CSGALNACT1: variants seen among roughly 807,000 people sequenced by gnomAD.
CSGALNACT1 encodes beta4GalNAcT-1.
In CSGALNACT1, 52 loss-of-function variants were observed where a neutral mutation model predicts 51.0. The observed-to-expected ratio is 1.02, with a 90% CI of 0.82 to 1.29. The LOEUF (loss-of-function observed/expected upper bound fraction) is 1.29. Among genes scored for constraint, CSGALNACT1 ranks in the 50% most tolerant of loss-of-function variants. CSGALNACT1 has a pLI of 0.00. For synonymous variants in CSGALNACT1, 341 were observed against 254.4 expected (o/e 1.34, Z -3.24); for missense variants, 935 against 679.2 (o/e 1.38, Z -4.19).
At chr8:19,721,838 T>C (rs1443838820) in intron 1 of CSGALNACT1, among the ~76,000 whole-genome samples, 1 of 152,188 alleles carries the variant, frequency 6.6e-6, no homozygotes, top group African/African-American at 2.4e-5. Context: ...AGTCAATACT[T>C]CTATGGATCA....
At chr8:19,497,934 C>T (rs1451688011) in intron 4 of CSGALNACT1, among the ~76,000 whole-genome samples, 1 of 152,090 alleles carries the variant, frequency 6.6e-6, no homozygotes, top group East Asian at 1.9e-4. Context: ...TGAGTCTTAC[C>T]ACCTTTGCTT....
intron 1 of CSGALNACT1, among the ~76,000 whole-genome samples, chr8:19,650,222 A>G (rs1419854042): frequency 1.3e-5 from 2 of 152,216 alleles, no homozygotes; most frequent in Non-Finnish European, 2.9e-5. Context: ...GTATAATCTG[A>G]TCAATGAGGT....
intron 3 of CSGALNACT1, among the ~76,000 whole-genome samples, chr8:19,547,931 T>C (rs1358952134): frequency 2.6e-5 from 4 of 152,194 alleles, no homozygotes; most frequent in Non-Finnish European, 5.9e-5. Flanking sequence ...TAGTTATTGA[T>C]GGGAAAGAGG....
upstream of CSGALNACT1, among the ~76,000 whole-genome samples, chr8:19,603,663 T>G (rs1348687851): frequency 6.6e-6 from 1 of 152,240 alleles, no homozygotes; most frequent in African/African-American, 2.4e-5. Context: ...CATCTCACAT[T>G]CTGATTCCCA....
intron 8 of CSGALNACT1, among the ~76,000 whole-genome samples, chr8:19,412,790 C>T (rs2056109309): frequency 6.6e-6 from 1 of 152,108 alleles, no homozygotes; most frequent in Non-Finnish European, 1.5e-5. Flanking sequence ...GGAGAAGACT[C>T]CCTGAGCTAT....
At chr8:19,443,779 TG>T (rs2061692227) in intron 5 of CSGALNACT1, among the ~76,000 whole-genome samples, 2 of 152,226 alleles carry the variant, frequency 1.3e-5, no homozygotes, top group South Asian at 4.1e-4. Context: ...AGAAACCCCC[TG>T]GGGATACCAA....
At chr8:19,588,141 G>A (rs2047043131) in intron 3 of CSGALNACT1, 1 of 151,932 alleles carries the variant, frequency 6.6e-6, no homozygotes, top group South Asian at 2.1e-4. Flanking sequence ...GTTTCAGTAA[G>A]CAGAAATCAC....
chr8:19,657,243 A>C (rs576052007), intron 1 of CSGALNACT1, among the ~76,000 whole-genome samples: 1 of 128,898 alleles, frequency 7.8e-6, no homozygotes, highest in African/African-American at 3.0e-5. Flanking sequence ...GAAAGATGAT[A>C]AACTGAAAGA....
At chr8:19,506,945 G>T (rs952353888) in intron 3 of CSGALNACT1, among the ~76,000 whole-genome samples, 3 of 152,198 alleles carry the variant, frequency 2.0e-5, no homozygotes, top group African/African-American at 7.2e-5. Flanking sequence ...AACTAAGCCT[G>T]CCAGCAGGCG....
Position 19,673,259 on chromosome 8 carries a change from T to C in CSGALNACT1, c.-544+9214A>G, listed in dbSNP as rs575111923. Among the ~76,000 whole-genome samples the C allele has an allele frequency of 1.4e-4, 21 of 152,328 alleles. No individual in the cohort carries two copies. In the South Asian group the frequency reaches 4.1e-3, roughly 30 times the overall value. ...TTCACTGGGATTCCAGGTTTGAGTA[T>C]TGGTGCTACGTAACTACTGCAGCTT... On this transcript the variant is annotated intron_variant, in intron 1 of 9. Coordinates refer to the CSGALNACT1 transcript ENST00000332246.
chr8:19,619,798 G>A (rs1371644757), intron 1 of CSGALNACT1, among the ~76,000 whole-genome samples: 1 of 152,212 alleles, frequency 6.6e-6, no homozygotes, highest in African/African-American at 2.4e-5. Flanking sequence ...AAGGGAGGCA[G>A]AGGCCAGGGA....
intron 1 of CSGALNACT1, among the ~76,000 whole-genome samples, chr8:19,692,685 G>C (rs768217903): frequency 2.6e-5 from 4 of 152,120 alleles, no homozygotes; most frequent in Non-Finnish European, 5.9e-5. Flanking sequence ...TATAATCATG[G>C]TAATGGAAAT....
intron 1 of CSGALNACT1, among the ~76,000 whole-genome samples, chr8:19,679,744 G>T (rs1371676157): frequency 6.6e-6 from 1 of 152,106 alleles, no homozygotes; most frequent in Non-Finnish European, 1.5e-5. Context: ...CAAATTCCTT[G>T]GGTTATGAAA....
chr8:19,616,420 A>G (rs558997586), intron 1 of CSGALNACT1, among the ~76,000 whole-genome samples: 1 of 152,200 alleles, frequency 6.6e-6, no homozygotes, highest in African/African-American at 2.4e-5. Flanking sequence ...AAATTGTAGA[A>G]TCCTGACCCT....
chr8:19,733,466 C>A (rs1414727176), intron 1 of CSGALNACT1, among the ~76,000 whole-genome samples: 1 of 151,954 alleles, frequency 6.6e-6, no homozygotes, highest in Non-Finnish European at 1.5e-5. Context: ...GGATAACTAC[C>A]AAATCAACAC....
chr8:19,680,039 T>A (rs2060482491), intron 1 of CSGALNACT1, among the ~76,000 whole-genome samples: 1 of 152,098 alleles, frequency 6.6e-6, no homozygotes, highest in Non-Finnish European at 1.5e-5. Context: ...TTCTGAAAGT[T>A]TACTTAACAA....
chr8:19,717,751 G>A (rs924549897), intron 1 of CSGALNACT1, among the ~76,000 whole-genome samples: 1 of 152,166 alleles, frequency 6.6e-6, no homozygotes, highest in African/African-American at 2.4e-5. Context: ...TTTTTCTGTA[G>A]GTTATGTTCT....
chr8:19,642,803 A>T (rs2056877906), intron 1 of CSGALNACT1, among the ~76,000 whole-genome samples: 1 of 151,640 alleles, frequency 6.6e-6, no homozygotes. Context: ...AAAAAAAAAA[A>T]TGGCTGTGGT....
At chr8:19,642,956 G>T (rs1349199810) in intron 1 of CSGALNACT1, among the ~76,000 whole-genome samples, 1 of 152,064 alleles carries the variant, frequency 6.6e-6, no homozygotes, top group Non-Finnish European at 1.5e-5. Context: ...TACAGTTAAA[G>T]TTTTTAAATC....
Sources: gnomAD v4.1 joint callset for allele counts (sites outside exome capture counted in the v4.1 genomes callset) on GRCh38, gnomAD v4.1.1 for gene constraint, MANE v1.5 for transcripts, NCBI Gene and HGNC (gene_info 2026-07-23, HGNC 2026-07-21) for gene names.